The following ABTB2 variants were observed in gnomAD, a reference collection of about 807,000 sequenced individuals.
ABTB2 encodes the protein ankyrin repeat and BTB/POZ domain-containing protein 2.
A neutral mutation model predicts 104.1 loss-of-function variants in ABTB2; 56 were observed. That is an observed-to-expected ratio of 0.54 (90% CI 0.43 to 0.67). The LOEUF (loss-of-function observed/expected upper bound fraction) is 0.67, where lower values mean the gene tolerates loss of function less well. ABTB2 is among the 30% of genes least tolerant of loss of function. The probability of loss-of-function intolerance (pLI) is 0.00; values close to 1 mark genes in which losing one functional copy is unlikely to be tolerated. For synonymous variants in ABTB2, 606 were observed against 608.2 expected (o/e 1.00, Z 0.05); for missense variants, 1,279 against 1,407.7 (o/e 0.91, Z 1.46).
intron 1 of ABTB2, among the ~76,000 whole-genome samples, chr11:34,233,558 T>C (rs779988828): frequency 3.3e-5 from 5 of 152,066 alleles, no homozygotes; most frequent in Non-Finnish European, 7.4e-5. Context: ...CTCACCATGT[T>C]GCTCAGGCTG....
At chr11:34,285,487 G>T (rs942060146) in intron 1 of ABTB2, among the ~76,000 whole-genome samples, 7 of 152,002 alleles carry the variant, frequency 4.6e-5, no homozygotes, top group Non-Finnish European at 8.8e-5. Context: ...TAACCACAAA[G>T]GTGCAGAAAT....
chr11:34,197,627 C>G, intron 2 of ABTB2, 89 bp from the exon 3 acceptor site: 2 of 987,480 alleles, frequency 2.0e-6, no homozygotes, highest in Non-Finnish European at 2.9e-6. Context: ...CAAGGATGTT[C>G]CTGGCTGAAG....
At chr11:34,191,541 T>G (rs1413152973) in intron 3 of ABTB2, among the ~76,000 whole-genome samples, 1 of 152,090 alleles carries the variant, frequency 6.6e-6, no homozygotes, top group Non-Finnish European at 1.5e-5. Context: ...TGGTCTCGTC[T>G]CTCCTGAACC....
chr11:34,232,075 G>A (rs1260901820), intron 1 of ABTB2, among the ~76,000 whole-genome samples: 1 of 152,142 alleles, frequency 6.6e-6, no homozygotes, highest in East Asian at 1.9e-4. Flanking sequence ...ATGAACTTTA[G>A]TTAATAATGT....
rs780656840 is a variant in ABTB2 at position 34,160,259 on chromosome 11, G to A, written c.2492C>T (p.Pro831Leu). 2.0e-5 allele frequency: 32 copies of A among 1,613,756 alleles called. No individual in the cohort carries two copies. Among genetic ancestry groups the A allele is most frequent in the Middle Eastern group, 1.6e-4 (1 of 6,084 alleles). Residue 831 changes from proline (P) to leucine (L), a missense_variant, in exon 12 of 17, where the codon CCG becomes CTG. By Grantham distance (98) the Pro-to-Leu change is moderately conservative. Transcript: ENST00000435224. The part of the protein sequence containing the change: ...PSIPEIRKTL[P>L]ARLDPHFLNN... ...GGGCGCGCCTTCACCTAGCCTGGCC[G>A]GCAGGGTCTTCCGGATCTCTGGGAT...
chr11:34,323,095 C>T (rs1381788290), intron 1 of ABTB2, among the ~76,000 whole-genome samples: 1 of 151,966 alleles, frequency 6.6e-6, no homozygotes, highest in Non-Finnish European at 1.5e-5. Flanking sequence ...TTAGTAGAGA[C>T]GGGGTTTCAC....
chr11:34,267,799 T>C (rs1171900411), intron 1 of ABTB2, among the ~76,000 whole-genome samples: 1 of 152,050 alleles, frequency 6.6e-6, no homozygotes, highest in Non-Finnish European at 1.5e-5. Flanking sequence ...CACGGGGGTT[T>C]TTTGGGGTAC....
At chr11:34,208,198 C>G (rs923686065) in intron 1 of ABTB2, among the ~76,000 whole-genome samples, 1 of 152,174 alleles carries the variant, frequency 6.6e-6, no homozygotes, top group Non-Finnish European at 1.5e-5. Flanking sequence ...ATTCCCAGCT[C>G]TAGCATAACG....
intron 1 of ABTB2, among the ~76,000 whole-genome samples, chr11:34,299,746 G>A (rs1854676658): frequency 6.6e-6 from 1 of 152,174 alleles, no homozygotes; most frequent in South Asian, 2.1e-4. Context: ...GCTCATCTGG[G>A]GCTCCCAATC....
chr11:34,208,858 C>T (rs1179917054), intron 1 of ABTB2, among the ~76,000 whole-genome samples: 1 of 152,052 alleles, frequency 6.6e-6, no homozygotes, highest in Non-Finnish European at 1.5e-5. Flanking sequence ...TCACTGCCAC[C>T]ACCCCAGTCA....
At chr11:34,169,796 C>T (rs1054214489) in intron 5 of ABTB2, among the ~76,000 whole-genome samples, 1 of 152,148 alleles carries the variant, frequency 6.6e-6, no homozygotes, top group Non-Finnish European at 1.5e-5. Flanking sequence ...GTCCCTTTCC[C>T]TGGAATCCCT....
At chr11:34,248,122 A>C (rs1854009331) in intron 1 of ABTB2, among the ~76,000 whole-genome samples, 5 of 137,458 alleles carry the variant, frequency 3.6e-5, no homozygotes, top group East Asian at 2.0e-4. Flanking sequence ...AAAAAAAAAA[A>C]CAGGGTCTTG....
intron 1 of ABTB2, chr11:34,335,874 C>A: frequency 1.1e-6 from 1 of 938,786 alleles, no homozygotes; most frequent in Non-Finnish European, 1.7e-6. Context: ...GTAGAGCGGC[C>A]ACATGAGACA....
At chr11:34,327,355 T>C (rs1266138180) in intron 1 of ABTB2, among the ~76,000 whole-genome samples, 1 of 152,178 alleles carries the variant, frequency 6.6e-6, no homozygotes, top group Admixed American at 6.5e-5. Flanking sequence ...AAGAAGATGA[T>C]ATTTCTAGGG....
At chr11:34,199,048 C>T (rs1222061112) in intron 2 of ABTB2, among the ~76,000 whole-genome samples, 3 of 152,204 alleles carry the variant, frequency 2.0e-5, no homozygotes, top group Admixed American at 6.5e-5. Flanking sequence ...TGTTCTGTTC[C>T]GTTGTGTCCC....
chr11:34,209,774 AGGGTAGGGGTGG>A (rs1460595785), intron 1 of ABTB2, among the ~76,000 whole-genome samples: 6 of 32,686 alleles, frequency 1.8e-4, no homozygotes, highest in African/African-American at 2.8e-4. Context: ...GTGGGGGTGG[AGGGTAGGGGTGG>A]GGGTAGGGGT....
chr11:34,283,458 C>T (rs1048493808), intron 1 of ABTB2, among the ~76,000 whole-genome samples: 5 of 152,138 alleles, frequency 3.3e-5, no homozygotes, highest in South Asian at 4.1e-4. Context: ...TCAAGTGATC[C>T]GCCTACCTTG....
intron 3 of ABTB2, among the ~76,000 whole-genome samples, chr11:34,174,517 T>C (rs1259010083): frequency 3.9e-5 from 6 of 152,162 alleles, no homozygotes; most frequent in African/African-American, 1.2e-4. Context: ...GGGGACGCCA[T>C]GTGCACAGCC....
chr11:34,349,125 G>A (rs1014199513), intron 1 of ABTB2, among the ~76,000 whole-genome samples: 2 of 152,176 alleles, frequency 1.3e-5, no homozygotes, highest in Non-Finnish European at 2.9e-5. Flanking sequence ...CAAGCAGGAA[G>A]ACCACAAAGT....
Sources: allele counts gnomAD v4.1 joint callset (sites outside exome capture counted in the v4.1 genomes callset), GRCh38; gene constraint gnomAD v4.1.1; transcripts MANE v1.5; gene names NCBI Gene and HGNC (gene_info 2026-07-23, HGNC 2026-07-21).